DPP6: variants seen among roughly 807,000 people sequenced by gnomAD.
DPP6 encodes A-type potassium channel modulatory protein DPP6.
DPP6 carries 69 observed loss-of-function variants against 122.6 expected under a neutral mutation model. The observed-to-expected ratio is 0.56, with a 90% confidence interval of 0.46 to 0.69. DPP6 has a LOEUF of 0.69. Ranked by LOEUF, DPP6 falls within the 30% of genes least tolerant of loss-of-function variation. The probability of loss-of-function intolerance (pLI) is 0.00; values close to 1 mark genes in which losing one functional copy is unlikely to be tolerated. For missense variants in DPP6, 928 were observed against 1,116.9 expected (o/e 0.83, Z 2.41); for synonymous variants, 418 against 433.1 (o/e 0.97, Z 0.43).
At chr7:154,577,497 G>A (rs1437148091) in intron 5 of DPP6, among the ~76,000 whole-genome samples, 2 of 152,180 alleles carry the variant, frequency 1.3e-5, no homozygotes, top group Non-Finnish European at 2.9e-5. Flanking sequence ...GGGTGTCTGT[G>A]AAGAGCACTG....
intron 1 of DPP6, among the ~76,000 whole-genome samples, chr7:154,124,785 G>A (rs1422868216): frequency 6.6e-6 from 1 of 152,214 alleles, no homozygotes; most frequent in Non-Finnish European, 1.5e-5. Context: ...CAGGGCCGGT[G>A]AAACTGGGAG....
At chr7:154,398,499 C>A (rs1239269410) in intron 1 of DPP6, among the ~76,000 whole-genome samples, 1 of 152,140 alleles carries the variant, frequency 6.6e-6, no homozygotes, top group African/African-American at 2.4e-5. Flanking sequence ...TGTATTTGGG[C>A]ACCAATGTGA....
intron 17 of DPP6, among the ~76,000 whole-genome samples, chr7:154,857,875 T>C (rs1802973336): frequency 6.6e-6 from 1 of 152,314 alleles, no homozygotes; most frequent in Admixed American, 6.5e-5. Context: ...TCAGTTGTCC[T>C]CTTTCACGAT....
chr7:153,762,649 G>A, the DPP6 span, among the ~76,000 whole-genome samples: 1 of 152,068 alleles, frequency 6.6e-6, no homozygotes, highest in Non-Finnish European at 1.5e-5. Context: ...GCATGGTGGT[G>A]CATGCCTGTA....
At chr7:154,166,296 GGGGAGGGA>G (rs903340421) in intron 1 of DPP6, among the ~76,000 whole-genome samples, 3 of 152,148 alleles carry the variant, frequency 2.0e-5, no homozygotes, top group African/African-American at 4.8e-5. Flanking sequence ...TGACGTTCTT[GGGGAGGGA>G]GGGCTGTGAA....
intron 1 of DPP6, among the ~76,000 whole-genome samples, chr7:154,434,512 G>A (rs766236710): frequency 3.9e-5 from 6 of 151,986 alleles, no homozygotes; most frequent in African/African-American, 1.5e-4. Context: ...TGCATCTGAC[G>A]TGCTCTTCCA....
intron 20 of DPP6, among the ~76,000 whole-genome samples, chr7:154,878,285 G>A (rs73487853): frequency 0.013 from 1,935 of 152,298 alleles, 39 homozygotes; most frequent in African/African-American, 0.044. Context: ...CACACACGTC[G>A]TGCCCTAAAA....
chr7:154,142,778 C>CA (rs542874514), intron 1 of DPP6, among the ~76,000 whole-genome samples: 91 of 141,834 alleles, frequency 6.4e-4, no homozygotes, highest in African/African-American at 2.1e-3. Context: ...TCACTTTTAC[C>CA]AAAAAAAAGG....
At chr7:154,700,153 C>T (rs1190083938) in intron 7 of DPP6, among the ~76,000 whole-genome samples, 1 of 152,184 alleles carries the variant, frequency 6.6e-6, no homozygotes, top group African/African-American at 2.4e-5. Flanking sequence ...GCAACACATC[C>T]ATCAATGCAT....
intron 5 of DPP6, among the ~76,000 whole-genome samples, chr7:154,574,583 GTA>G (rs1226066889): frequency 2.8e-5 from 4 of 140,408 alleles, no homozygotes; most frequent in Non-Finnish European, 4.6e-5. Context: ...TGGTGTGTGT[GTA>G]TGTGTGTGGG....
At chr7:153,830,483 T>C in the DPP6 span, among the ~76,000 whole-genome samples, 4 of 152,228 alleles carry the variant, frequency 2.6e-5, no homozygotes, top group Non-Finnish European at 5.9e-5. Context: ...TTTGCAAGCT[T>C]TCTCAACTTT....
At chr7:153,790,961 C>T in the DPP6 span, among the ~76,000 whole-genome samples, 1 of 151,900 alleles carries the variant, frequency 6.6e-6, no homozygotes, top group Non-Finnish European at 1.5e-5. Flanking sequence ...TTGGAAGACC[C>T]GAGGAGATAA....
At chr7:153,956,616 C>T (rs941533692) in intron 1 of DPP6, among the ~76,000 whole-genome samples, 1 of 152,144 alleles carries the variant, frequency 6.6e-6, no homozygotes, top group Non-Finnish European at 1.5e-5. Context: ...GCACATTTTT[C>T]AGCAGGACCC....
the DPP6 span, among the ~76,000 whole-genome samples, chr7:153,808,945 G>T: frequency 4.0e-5 from 6 of 151,792 alleles, no homozygotes; most frequent in South Asian, 1.0e-3. Flanking sequence ...GTTCTATTTT[G>T]ATTTTTATTT....
At chr7:154,244,259 T>C in intron 1 of DPP6, among the ~76,000 whole-genome samples, 1 of 152,016 alleles carries the variant, frequency 6.6e-6, no homozygotes, top group Non-Finnish European at 1.5e-5. Flanking sequence ...AAGAAAAAAA[T>C]ACAAATCTAT....
chr7:154,815,600 C>T (rs754671382), intron 16 of DPP6, among the ~76,000 whole-genome samples: 4 of 152,172 alleles, frequency 2.6e-5, no homozygotes, highest in East Asian at 1.9e-4. Context: ...AAGTGAGTTC[C>T]GTGTATGAAT....
At chr7:153,759,598 C>G in the DPP6 span, among the ~76,000 whole-genome samples, 1 of 151,954 alleles carries the variant, frequency 6.6e-6, no homozygotes, top group African/African-American at 2.4e-5. Context: ...CTCCGAAGTG[C>G]TGGGGTTACA....
intron 5 of DPP6, among the ~76,000 whole-genome samples, chr7:154,627,374 A>G (rs1226191279): frequency 6.7e-6 from 1 of 148,958 alleles, no homozygotes; most frequent in African/African-American, 2.5e-5. Flanking sequence ...TTTTTTTTGT[A>G]TTTTTAGTAG....
intron 1 of DPP6, among the ~76,000 whole-genome samples, chr7:153,914,253 A>G (rs890811236): frequency 2.0e-5 from 3 of 152,288 alleles, no homozygotes; most frequent in South Asian, 2.1e-4. Flanking sequence ...GCCTTCTGCC[A>G]TGATTGTGAG....
Sources: allele counts gnomAD v4.1 joint callset (sites outside exome capture counted in the v4.1 genomes callset), GRCh38; gene constraint gnomAD v4.1.1; transcripts MANE v1.5; gene names NCBI Gene and HGNC (gene_info 2026-07-23, HGNC 2026-07-21).